The following BIN3 variants were observed in gnomAD, a reference collection of about 807,000 sequenced individuals.
BIN3 encodes the protein bridging integrator 3.
BIN3 carries 41 observed loss-of-function variants against 38.2 expected under a neutral mutation model. The observed-to-expected ratio is 1.07, with a 90% CI of 0.84 to 1.39. The LOEUF (loss-of-function observed/expected upper bound fraction) is 1.39. Ranked by LOEUF, BIN3 falls within the 40% of genes most tolerant of loss-of-function variation. The probability of loss-of-function intolerance (pLI) is 0.00; values close to 1 mark genes in which losing one functional copy is unlikely to be tolerated. For missense variants in BIN3, 361 were observed against 324.3 expected, an observed-to-expected ratio of 1.11 and a Z score of -0.87; for synonymous variants, 145 against 122.6, an observed-to-expected ratio of 1.18 and a Z score of -1.21.
chr8:22,662,064 G>C (rs529798760), intron 1 of BIN3, among the ~76,000 whole-genome samples: 1 of 152,304 alleles, frequency 6.6e-6, no homozygotes, highest in East Asian at 1.9e-4. Context: ...CAAAGCGCTG[G>C]GATTACAGGC....
chr8:22,640,102 TC>T (rs770398944), intron 2 of BIN3, among the ~76,000 whole-genome samples: 9 of 151,222 alleles, frequency 6.0e-5, no homozygotes, highest in East Asian at 3.9e-4. Flanking sequence ...CCTCAGGTGA[TC>T]CCCCCCGCCT....
At chr8:22,663,312 T>TTATA (rs1803299528) in intron 1 of BIN3, among the ~76,000 whole-genome samples, 1 of 151,034 alleles carries the variant, frequency 6.6e-6, no homozygotes, top group Non-Finnish European at 1.5e-5. Context: ...TGGCTAACAC[T>TTATA]TATAGTCCCA....
At chr8:22,649,534 T>C (rs1002157508) in intron 1 of BIN3, among the ~76,000 whole-genome samples, 4 of 152,208 alleles carry the variant, frequency 2.6e-5, no homozygotes, top group African/African-American at 7.2e-5. Flanking sequence ...ATCTAAAAGA[T>C]GGCCAAGGTT....
At chr8:22,622,165 G>C (rs529614142) in intron 8 of BIN3, among the ~76,000 whole-genome samples, 11 of 152,318 alleles carry the variant, frequency 7.2e-5, no homozygotes, top group African/African-American at 1.9e-4. Flanking sequence ...GTTGAGGGTG[G>C]GGCAGGTGGA....
intron 6 of BIN3, 189 bp downstream of exon 6, chr8:22,629,775 G>A (rs2117514518): frequency 3.2e-6 from 2 of 628,782 alleles, no homozygotes; most frequent in African/African-American, 1.8e-5. Context: ...GGCCATGTGG[G>A]TACTCTGGAG....
intron 1 of BIN3, among the ~76,000 whole-genome samples, chr8:22,666,383 G>A (rs1383044873): frequency 7.4e-6 from 1 of 134,754 alleles, no homozygotes; most frequent in African/African-American, 2.7e-5. Context: ...AAGTTGGGAG[G>A]GGGGCAAATG....
intron 1 of BIN3, among the ~76,000 whole-genome samples, chr8:22,668,246 G>C (rs974130686): frequency 1.3e-5 from 2 of 152,176 alleles, no homozygotes; most frequent in Non-Finnish European, 2.9e-5. Context: ...AAATAATCGA[G>C]AGCAACAAAT....
intron 7 of BIN3, 31 bp downstream of exon 7, chr8:22,624,191 C>G (rs753762662): frequency 4.4e-6 from 7 of 1,606,866 alleles, no homozygotes; most frequent in Non-Finnish European, 6.0e-6. Context: ...GCCCACCTGT[C>G]TAGCCCCTGC....
At chr8:22,661,924 G>A (rs1803249259) in intron 1 of BIN3, among the ~76,000 whole-genome samples, 1 of 130,246 alleles carries the variant, frequency 7.7e-6, no homozygotes, top group African/African-American at 3.2e-5. Flanking sequence ...TTGAGTAGCG[G>A]GGATTACAGG....
chr8:22,637,703 T>C (rs1047511968), intron 2 of BIN3, among the ~76,000 whole-genome samples: 4 of 152,196 alleles, frequency 2.6e-5, no homozygotes, highest in Non-Finnish European at 5.9e-5. Context: ...CGGAGCCTCA[T>C]GATTGGTCTC....
chr8:22,629,639 C>G (rs547286245), intron 6 of BIN3: 62 of 445,134 alleles, frequency 1.4e-4, no homozygotes, highest in East Asian at 6.4e-4. Flanking sequence ...CTGCTAGCTC[C>G]ATTCAGCAAG....
At chr8:22,637,570 T>C (rs916196620) in intron 2 of BIN3, among the ~76,000 whole-genome samples, 2 of 152,146 alleles carry the variant, frequency 1.3e-5, no homozygotes, top group Non-Finnish European at 2.9e-5. Context: ...TCAACTCTCT[T>C]GAGAGCCAGC....
At chr8:22,655,500 T>C (rs2117584597) in intron 1 of BIN3, among the ~76,000 whole-genome samples, 1 of 152,338 alleles carries the variant, frequency 6.6e-6, no homozygotes, top group East Asian at 1.9e-4. Flanking sequence ...CAAGTGGCTA[T>C]CCATTTGTCC....
chr8:22,640,265 C>A (rs1373385806), intron 2 of BIN3, among the ~76,000 whole-genome samples: 1 of 152,126 alleles, frequency 6.6e-6, no homozygotes, highest in African/African-American at 2.4e-5. Context: ...GCAACCTCTG[C>A]CTCCCAGGCT....
intron 6 of BIN3, chr8:22,625,237 G>A: frequency 1.4e-6 from 1 of 692,496 alleles, no homozygotes; most frequent in East Asian, 2.7e-5. Flanking sequence ...CAGGAGCAGT[G>A]CTCTCCTGAG....
intron 1 of BIN3, among the ~76,000 whole-genome samples, chr8:22,662,070 C>A (rs1188218363): frequency 2.0e-5 from 3 of 152,244 alleles, no homozygotes; most frequent in Middle Eastern, 3.2e-3. Flanking sequence ...GCTGGGATTA[C>A]AGGCGTGAGC....
intron 5 of BIN3, 37 bp downstream of exon 5, chr8:22,630,405 A>G: frequency 2.5e-6 from 4 of 1,611,400 alleles, no homozygotes; most frequent in Non-Finnish European, 3.4e-6. Flanking sequence ...ACCGGGCAGA[A>G]GTCATGCTTG....
At chr8:22,635,099 C>T (rs749893775) in intron 4 of BIN3, among the ~76,000 whole-genome samples, 9 of 152,150 alleles carry the variant, frequency 5.9e-5, no homozygotes, top group African/African-American at 1.4e-4. Flanking sequence ...AGGGCCTCCG[C>T]GCTTGCTGTC....
intron 6 of BIN3, chr8:22,625,695 C>A (rs564901205): frequency 3.2e-5 from 11 of 344,848 alleles, no homozygotes; most frequent in Non-Finnish European, 6.1e-5. Context: ...TCCAGCAATT[C>A]TCATGCCTCA....
Sources: allele counts gnomAD v4.1 joint callset (sites outside exome capture counted in the v4.1 genomes callset), GRCh38; gene constraint gnomAD v4.1.1; transcripts MANE v1.5; gene names NCBI Gene and HGNC (gene_info 2026-07-23, HGNC 2026-07-21).